Variants in MEOX2 observed in about 807,000 individuals in gnomAD.
MEOX2 encodes the protein mesenchyme homeobox 2.
In MEOX2, 11 loss-of-function variants were observed where a neutral mutation model predicts 27.0. That is an observed-to-expected ratio of 0.41 (90% CI 0.26 to 0.68). The LOEUF (loss-of-function observed/expected upper bound fraction) is 0.68, where lower values mean the gene tolerates loss of function less well. Among genes scored for constraint, MEOX2 ranks in the 30% least tolerant of loss-of-function variants. The pLI is 0.33. For synonymous variants in MEOX2, 189 were observed against 155.4 expected, an observed-to-expected ratio of 1.22 and a Z score of -1.61; for missense variants, 436 against 385.4, an observed-to-expected ratio of 1.13 and a Z score of -1.10.
chr7:15,685,525 GC>G (rs1458177272), intron 1 of MEOX2, among the ~76,000 whole-genome samples: 1 of 152,214 alleles, frequency 6.6e-6, no homozygotes, highest in Admixed American at 6.5e-5. Context: ...ACGCACGCCT[GC>G]CCAACGGACG....
At chr7:15,657,778 G>A (rs1583774550) in intron 1 of MEOX2, among the ~76,000 whole-genome samples, 1 of 152,200 alleles carries the variant, frequency 6.6e-6, no homozygotes, top group Non-Finnish European at 1.5e-5. Flanking sequence ...GATCTGATGA[G>A]TGATTTTTTA....
intron 1 of MEOX2, among the ~76,000 whole-genome samples, chr7:15,646,525 A>T (rs1026640931): frequency 9.2e-5 from 14 of 151,936 alleles, no homozygotes; most frequent in Non-Finnish European, 1.3e-4. Flanking sequence ...TGATATTAAA[A>T]CTCTGGGTTA....
intron 1 of MEOX2, among the ~76,000 whole-genome samples, chr7:15,665,041 TCACA>T (rs35772927): frequency 0.046 from 6,513 of 141,210 alleles, 156 homozygotes; most frequent in African/African-American, 0.06. Context: ...TAAGTGGACA[TCACA>T]CACACACACA....
chr7:15,648,521 G>A (rs1200837384), intron 1 of MEOX2, among the ~76,000 whole-genome samples: 1 of 152,012 alleles, frequency 6.6e-6, no homozygotes, highest in Non-Finnish European at 1.5e-5. Flanking sequence ...AGGATAGCAG[G>A]CCGGAGAAAG....
chr7:15,653,775 T>G (rs2115378728), intron 1 of MEOX2, among the ~76,000 whole-genome samples: 1 of 152,146 alleles, frequency 6.6e-6, no homozygotes, highest in East Asian at 1.9e-4. Context: ...TCCATTAATA[T>G]ATGTTTCTGT....
chr7:15,653,691 C>T (rs1781775963), intron 1 of MEOX2, among the ~76,000 whole-genome samples: 1 of 151,836 alleles, frequency 6.6e-6, no homozygotes, highest in African/African-American at 2.4e-5. Context: ...TGTTTTTTAC[C>T]TATGGTTGTC....
chr7:15,650,941 A>G (rs1190515907), intron 1 of MEOX2, among the ~76,000 whole-genome samples: 2 of 151,978 alleles, frequency 1.3e-5, no homozygotes, highest in Non-Finnish European at 1.5e-5. Context: ...TGTCTAAAAG[A>G]GAAATGAGGG....
intron 1 of MEOX2, among the ~76,000 whole-genome samples, chr7:15,659,551 G>C (rs572665732): frequency 1.4e-4 from 21 of 152,094 alleles, no homozygotes; most frequent in African/African-American, 4.3e-4. Flanking sequence ...ACAAGGTCAG[G>C]AGATCGAGAC....
chr7:15,636,183 G>A (rs1285358811), intron 1 of MEOX2, among the ~76,000 whole-genome samples: 4 of 151,802 alleles, frequency 2.6e-5, no homozygotes, highest in Admixed American at 6.6e-5. Flanking sequence ...CTTACAAGCC[G>A]ATTCTCTTAA....
chr7:15,641,900 T>G (rs945465835), intron 1 of MEOX2, among the ~76,000 whole-genome samples: 1 of 152,170 alleles, frequency 6.6e-6, no homozygotes, highest in Non-Finnish European at 1.5e-5. Context: ...ATACAAAATT[T>G]TTTGTTGCCA....
intron 1 of MEOX2, among the ~76,000 whole-genome samples, chr7:15,662,808 A>G (rs1781938320): frequency 6.6e-6 from 1 of 152,208 alleles, no homozygotes; most frequent in South Asian, 2.1e-4. Flanking sequence ...ACTCCAAAAG[A>G]TTCATGACTG....
intron 1 of MEOX2, among the ~76,000 whole-genome samples, chr7:15,639,495 G>T (rs529081373): frequency 6.6e-6 from 1 of 151,808 alleles, no homozygotes; most frequent in Non-Finnish European, 1.5e-5. Flanking sequence ...AGTCCCATTT[G>T]TCTGCTTTTG....
At chr7:15,639,051 C>G (rs908933680) in intron 1 of MEOX2, among the ~76,000 whole-genome samples, 11 of 152,072 alleles carry the variant, frequency 7.2e-5, no homozygotes, top group Non-Finnish European at 2.9e-5. Context: ...TGAGAAATCT[C>G]CATACTGTTT....
intron 1 of MEOX2, among the ~76,000 whole-genome samples, chr7:15,657,603 A>T (rs576083129): frequency 6.6e-5 from 10 of 151,796 alleles, no homozygotes; most frequent in South Asian, 2.1e-4. Flanking sequence ...CTATTTTTTC[A>T]TTTGTTCCAA....
intron 1 of MEOX2, among the ~76,000 whole-genome samples, chr7:15,674,556 CTG>C (rs55995772): frequency 2.9e-3 from 389 of 135,458 alleles, no homozygotes; most frequent in Admixed American, 5.2e-3. Flanking sequence ...ATAAAAGATT[CTG>C]TGTGTGTGTG....
intron 1 of MEOX2, among the ~76,000 whole-genome samples, chr7:15,647,049 G>C (rs1431288240): frequency 6.6e-6 from 1 of 151,774 alleles, no homozygotes; most frequent in African/African-American, 2.4e-5. Context: ...TATAGCTAAA[G>C]CTTGCATTTT....
At chr7:15,659,691 C>T (rs924981523) in intron 1 of MEOX2, among the ~76,000 whole-genome samples, 1 of 129,812 alleles carries the variant, frequency 7.7e-6, no homozygotes, top group South Asian at 2.6e-4. Flanking sequence ...ACCCGGGAGG[C>T]GGAGGTTGTA....
intron 1 of MEOX2, among the ~76,000 whole-genome samples, chr7:15,661,825 T>C (rs1331950836): frequency 1.3e-5 from 2 of 152,166 alleles, no homozygotes; most frequent in Non-Finnish European, 1.5e-5. Context: ...TGCTTAAGCA[T>C]TGACAAATTA....
At chr7:15,618,541 A>G (rs1781161430) in intron 2 of MEOX2, among the ~76,000 whole-genome samples, 1 of 151,980 alleles carries the variant, frequency 6.6e-6, no homozygotes, top group Non-Finnish European at 1.5e-5. Flanking sequence ...ACATAATACC[A>G]TCAATATTTT....
Sources: allele counts gnomAD v4.1 joint callset (sites outside exome capture counted in the v4.1 genomes callset), GRCh38; gene constraint gnomAD v4.1.1; transcripts MANE v1.5; gene names NCBI Gene and HGNC (gene_info 2026-07-23, HGNC 2026-07-21).